Variants in MGAT4C observed in about 807,000 individuals in gnomAD.
MGAT4C encodes the protein MGAT4 family member C, also known as alpha-1,3-mannosyl-glycoprotein 4-beta-N-acetylglucosaminyltransferase C.
Under a neutral mutation model 40.1 loss-of-function variants are expected in MGAT4C, and 19 were observed. That is an observed-to-expected ratio of 0.47 (90% CI 0.33 to 0.70). The LOEUF (loss-of-function observed/expected upper bound fraction) is 0.70, where lower values mean the gene tolerates loss of function less well. Ranked by LOEUF, MGAT4C falls within the 30% of genes least tolerant of loss-of-function variation. The probability of loss-of-function intolerance (pLI) is 0.02; values close to 1 mark genes in which losing one functional copy is unlikely to be tolerated. For missense variants in MGAT4C, 491 were observed against 563.2 expected (o/e 0.87, Z 1.30); for synonymous variants, 181 against 187.1 (o/e 0.97, Z 0.27).
intron 2 of MGAT4C, among the ~76,000 whole-genome samples, chr12:86,023,235 C>A (rs1051693324): frequency 2.6e-5 from 4 of 151,978 alleles, no homozygotes; most frequent in South Asian, 2.1e-4. Context: ...CACAAAAGTT[C>A]TCTTTATTTT....
chr12:86,052,481 C>T (rs1042306217), intron 1 of MGAT4C, among the ~76,000 whole-genome samples: 6 of 151,970 alleles, frequency 3.9e-5, no homozygotes, highest in African/African-American at 1.4e-4. Flanking sequence ...TCAGGTATTG[C>T]TAAATTGTAT....
intron 2 of MGAT4C, among the ~76,000 whole-genome samples, chr12:86,653,534 G>A (rs141302535): frequency 1.3e-5 from 2 of 151,970 alleles, no homozygotes; most frequent in South Asian, 2.1e-4. Flanking sequence ...TTTAGCTTTA[G>A]CCTTCAGACC....
At chr12:86,166,595 C>A (rs756115622) in intron 1 of MGAT4C, among the ~76,000 whole-genome samples, 1 of 152,126 alleles carries the variant, frequency 6.6e-6, no homozygotes, top group African/African-American at 2.4e-5. Context: ...TCATTTGAAA[C>A]CAGGAGTCAG....
chr12:86,558,964 T>C (rs1959738832), intron 2 of MGAT4C, among the ~76,000 whole-genome samples: 1 of 151,906 alleles, frequency 6.6e-6, no homozygotes, highest in African/African-American at 2.4e-5. Flanking sequence ...ATGTCAACTA[T>C]AAGAAACTCA....
chr12:86,209,550 G>A (rs1950380143), intron 1 of MGAT4C, among the ~76,000 whole-genome samples: 1 of 152,006 alleles, frequency 6.6e-6, no homozygotes, highest in South Asian at 2.1e-4. Context: ...AATATTCTTA[G>A]CATCAGCTTT....
intron 2 of MGAT4C, among the ~76,000 whole-genome samples, chr12:86,017,230 A>G (rs1889180278): frequency 6.6e-6 from 1 of 152,114 alleles, no homozygotes; most frequent in East Asian, 1.9e-4. Flanking sequence ...ATGTGTTTAC[A>G]TTGCAGGAAT....
chr12:86,526,482 G>T (rs1341035351), intron 2 of MGAT4C, among the ~76,000 whole-genome samples: 1 of 152,150 alleles, frequency 6.6e-6, no homozygotes, highest in Admixed American at 6.5e-5. Context: ...CATGAGGGCT[G>T]CCCTGCTGGA....
chr12:86,763,413 G>C (rs376012992), intron 1 of MGAT4C, among the ~76,000 whole-genome samples: 3 of 152,040 alleles, frequency 2.0e-5, no homozygotes, highest in South Asian at 4.2e-4. Context: ...TGTATACTGT[G>C]GAATACAGTG....
At chr12:86,482,654 C>T (rs555669478) in intron 2 of MGAT4C, among the ~76,000 whole-genome samples, 41 of 152,000 alleles carry the variant, frequency 2.7e-4, no homozygotes, top group African/African-American at 9.4e-4. Flanking sequence ...GAAGTGTTTT[C>T]GTATTTAAAA....
intron 4 of MGAT4C, among the ~76,000 whole-genome samples, chr12:86,265,585 G>A (rs187316667): frequency 2.6e-5 from 4 of 152,206 alleles, no homozygotes; most frequent in African/African-American, 9.6e-5. Flanking sequence ...GAAGTCAGGC[G>A]ATGTGATACC....
intron 1 of MGAT4C, among the ~76,000 whole-genome samples, chr12:86,824,820 A>T (rs1205748204): frequency 6.6e-6 from 1 of 150,454 alleles, no homozygotes; most frequent in Non-Finnish European, 1.5e-5. Flanking sequence ...GAGGGGAAAA[A>T]GCCAATCTTG....
rs533041845 is a variant in MGAT4C at position 85,965,834 on chromosome 12, A to T, written c.*13455T>A. 5.3e-5 allele frequency: 8 copies of T among 151,990 alleles called. No homozygotes were observed. The highest frequency in any genetic ancestry group is 1.7e-4 in the African/African-American group (7 of 41,454). 9.4% of individuals were successfully genotyped at this position (151,990 alleles called of 1,614,324 possible). On this transcript the variant is annotated 3_prime_UTR_variant, in exon 5 of 5. Coordinates refer to ENST00000611864, the MANE Select transcript of MGAT4C (RefSeq NM_001351288.2). Reference sequence around the variant, plus strand: ...TGTACAGAACTCAAATTATTACATCATTTTTTTACTTATCTGTATTATTTC... The same window carrying T: ...TGTACAGAACTCAAATTATTACATCTTTTTTTTACTTATCTGTATTATTTC...
In MGAT4C at chr12:86,788,110, T is replaced by G. The variant is rs1010430654; in HGVS notation, c.-262+50556A>C. ...GTATGTATTTACTTATATATATATT[T>G]TAAAATTTATGGGTGCTATATATAT... On this transcript the variant is annotated intron_variant, in intron 1 of 7. Coordinates refer to the MGAT4C transcript ENST00000548651. 6.6e-5 allele frequency among the ~76,000 whole-genome samples: 10 copies of G among 151,476 alleles called. 1 individual carries two copies. The highest frequency in any genetic ancestry group is 2.2e-4 in the African/African-American group (9 of 41,432).
intron 2 of MGAT4C, among the ~76,000 whole-genome samples, chr12:86,000,494 TTTATCTA>T: frequency 6.6e-6 from 1 of 152,252 alleles, no homozygotes; most frequent in East Asian, 1.9e-4. Flanking sequence ...AGAAAAATTA[TTTATCTA>T]TTAATAAAAT....
At chr12:86,053,047 G>A (rs1893042449) in intron 1 of MGAT4C, among the ~76,000 whole-genome samples, 2 of 151,896 alleles carry the variant, frequency 1.3e-5, no homozygotes. Context: ...AGTCAGCCAA[G>A]CAAAGCGAAA....
rs186545424 is a variant in MGAT4C, at chr12:85,996,357, A to G, written c.-6-6805T>C. ...GAAATGCAAATACACTGGCTAGTAG[A>G]TAAAGAATAGCAGGAGAAAAGATAC... On this transcript the variant is annotated intron_variant, in intron 2 of 4. Transcript: ENST00000611864. Among the ~76,000 whole-genome samples the G allele has an allele frequency of 2.9e-3, 447 of 152,336 alleles. 2 individuals are homozygous for G. Among genetic ancestry groups the G allele is most frequent in the African/African-American group, 0.01 (427 of 41,578 alleles).
At chr12:86,077,572 G>T (rs1051083329) in intron 1 of MGAT4C, among the ~76,000 whole-genome samples, 2 of 152,164 alleles carry the variant, frequency 1.3e-5, no homozygotes. Context: ...GGTCATAGCT[G>T]GTATTGATGA....
intron 2 of MGAT4C, among the ~76,000 whole-genome samples, chr12:86,513,230 T>C (rs986760282): frequency 5.3e-5 from 8 of 152,148 alleles, no homozygotes; most frequent in African/African-American, 1.9e-4. Context: ...TAAAAGTTCT[T>C]GGATTTTAAA....
At chr12:86,552,016 T>A (rs1959386768) in intron 2 of MGAT4C, among the ~76,000 whole-genome samples, 1 of 128,986 alleles carries the variant, frequency 7.8e-6, no homozygotes, top group Non-Finnish European at 1.7e-5. Context: ...ACATTAAACA[T>A]TAAAAAAAGC....
Sources: allele counts gnomAD v4.1 joint callset (sites outside exome capture counted in the v4.1 genomes callset), GRCh38; gene constraint gnomAD v4.1.1; transcripts MANE v1.5; gene names NCBI Gene and HGNC (gene_info 2026-07-23, HGNC 2026-07-21).